CEP41: variants seen among roughly 807,000 people sequenced by gnomAD.
The protein encoded by CEP41 is centrosomal protein 41, also known as centrosomal protein of 41 kDa.
In CEP41, 32 loss-of-function variants were observed where a neutral mutation model predicts 44.3. That is an observed-to-expected ratio of 0.72 (90% CI 0.54 to 0.97). The LOEUF is 0.97. Ranked by LOEUF, CEP41 falls within the 50% of genes least tolerant of loss-of-function variation. The pLI is 0.00. For missense variants in CEP41, 432 were observed against 455.2 expected, an observed-to-expected ratio of 0.95 and a Z score of 0.46; for synonymous variants, 151 against 168.5, an observed-to-expected ratio of 0.90 and a Z score of 0.80.
chr7:130,415,519 G>A (rs1392780138), intron 3 of CEP41, among the ~76,000 whole-genome samples: 34 of 152,202 alleles, frequency 2.2e-4, no homozygotes, highest in Admixed American at 2.2e-3. Context: ...CATTTTTCAA[G>A]GTTCTGTTCC....
At chr7:130,403,776 G>GTTC (rs1554417553) in intron 6 of CEP41, among the ~76,000 whole-genome samples, 9 of 152,298 alleles carry the variant, frequency 5.9e-5, no homozygotes, top group African/African-American at 2.2e-4. Flanking sequence ...ATAAGAAACT[G>GTTC]CATCCTCAGT....
At chr7:130,399,478 A>T (rs1333634935) in intron 10 of CEP41, 1 of 237,848 alleles carries the variant, frequency 4.2e-6, no homozygotes, top group African/African-American at 2.3e-5. Flanking sequence ...TGAAGGTCTG[A>T]TGCTTAACTC....
chr7:130,400,661 G>A (rs1554416638), intron 9 of CEP41, 46 bp downstream of exon 9: 3 of 1,147,682 alleles, frequency 2.6e-6, no homozygotes, highest in South Asian at 2.6e-5. Context: ...TGGGACTGAA[G>A]GATGATCAGC....
intron 5 of CEP41, among the ~76,000 whole-genome samples, chr7:130,410,282 C>G (rs190338270): frequency 3.9e-5 from 6 of 152,072 alleles, no homozygotes; most frequent in Non-Finnish European, 7.4e-5. Flanking sequence ...CCGCCTTGGC[C>G]TCCCAAAGTG....
At chr7:130,405,589 C>T (rs782316822) in intron 5 of CEP41, among the ~76,000 whole-genome samples, 1 of 152,072 alleles carries the variant, frequency 6.6e-6, no homozygotes, top group South Asian at 2.1e-4. Flanking sequence ...ATTTTTTTGA[C>T]AGTTGTATAA....
rs998159537 is a variant in CEP41, at chr7:130,394,929, C to T, written c.*3962G>A. On this transcript the variant is annotated 3_prime_UTR_variant, in exon 11 of 11. Transcript: ENST00000223208. Reference sequence around the variant, plus strand: ...GGCCTCTCTTTGCCTCACATTTTACCAGGTGCTTCAGGATGTTACACAGGT... The same window carrying T: ...GGCCTCTCTTTGCCTCACATTTTACTAGGTGCTTCAGGATGTTACACAGGT... 2 of 453,944 alleles carry T rather than the reference C, an allele frequency of 4.4e-6. No homozygotes were observed. Among genetic ancestry groups the T allele is most frequent in the African/African-American group, 4.0e-5 (2 of 49,974 alleles). The allele number at this position is 453,944 out of a possible 1,614,324, so 28.1% of individuals were successfully genotyped here.
At chr7:130,421,141 C>T (rs1797496378) in intron 2 of CEP41, 1 of 985,292 alleles carries the variant, frequency 1.0e-6, no homozygotes, top group African/African-American at 1.7e-5. Context: ...CAGTGCTGTG[C>T]AAACACAGAG....
chr7:130,404,047 A>C (rs1172658390), intron 6 of CEP41, among the ~76,000 whole-genome samples: 1 of 152,210 alleles, frequency 6.6e-6, no homozygotes, highest in Admixed American at 6.5e-5. Context: ...AATCCTTGGA[A>C]TAAGGAGGCC....
chr7:130,422,076 G>A (rs1797525913), intron 2 of CEP41: 1 of 1,521,802 alleles, frequency 6.6e-7, no homozygotes, highest in African/African-American at 1.4e-5. Flanking sequence ...TGCACTCAGT[G>A]TTTGAGTTCA....
chr7:130,400,890 G>A, intron 8 of CEP41, 69 bp from the exon 9 acceptor site: 1 of 1,004,130 alleles, frequency 1.0e-6, no homozygotes, highest in Non-Finnish European at 1.6e-6. Context: ...AAACCCCCAA[G>A]GAATAAAAGG....
intron 1 of CEP41, chr7:130,440,726 G>A (rs1475161543): frequency 6.4e-6 from 4 of 627,836 alleles, no homozygotes; most frequent in Non-Finnish European, 1.1e-5. Flanking sequence ...CGTACGCGGG[G>A]AGAGATCGCT....
chr7:130,419,633 C>G (rs1797441467), intron 2 of CEP41: 5 of 984,702 alleles, frequency 5.1e-6, no homozygotes, highest in Non-Finnish European at 6.0e-6. Context: ...CCAGATAAGA[C>G]TTTTTGATCA....
intron 2 of CEP41, chr7:130,420,976 A>G (rs1797490686): frequency 1.0e-6 from 1 of 982,178 alleles, no homozygotes; most frequent in East Asian, 1.1e-4. Flanking sequence ...TGCTACATAT[A>G]TGACTCATAT....
intron 2 of CEP41, 78 bp from the exon 3 acceptor site, chr7:130,417,044 A>G: frequency 7.3e-7 from 1 of 1,366,558 alleles, no homozygotes; most frequent in Non-Finnish European, 1.0e-6. Flanking sequence ...GAATGGAGGA[A>G]AAGTATCCCC....
intron 2 of CEP41, among the ~76,000 whole-genome samples, chr7:130,424,203 C>T (rs1419820800): frequency 1.3e-5 from 2 of 152,046 alleles, no homozygotes; most frequent in African/African-American, 2.4e-5. Context: ...TCATGACCAG[C>T]CTGGCCAACA....
In CEP41 at chr7:130,400,740, G is replaced by A. The variant is rs1554416667; in HGVS notation, c.724C>T (p.Arg242Cys). Residue 242 changes from arginine (R) to cysteine (C), a missense_variant, in exon 9 of 11, where the codon CGT (arginine) becomes TGT (cysteine). Physicochemically the swap from Arg to Cys is radical, Grantham distance 180. Coordinates refer to ENST00000223208, the MANE Select transcript of CEP41 (RefSeq NM_018718.3). The stretch of plus-strand genomic sequence containing the variant: ...AGCATGAAGAGGTTTTCAAATCCAC[G>A]CTCGCACATGGTGGTGGCCGCCTGA... Reference protein sequence around the residue: ...ASQAATTMCERGFENLFMLSG... With the variant: ...ASQAATTMCECGFENLFMLSG... 10 of 1,613,252 alleles carry A rather than the reference G, an allele frequency of 6.2e-6. No homozygotes were observed. In the East Asian group the frequency reaches 1.6e-4, roughly 25 times the overall value.
Position 130,395,407 on chromosome 7 carries a change from A to G in CEP41, c.*3484T>C, listed in dbSNP as rs1179727586. ...GAGTTAAATCTTTGAAAGAATTGGG[A>G]AGAAAATAAACACACATTAAAGACA... On this transcript the variant is annotated 3_prime_UTR_variant, in exon 11 of 11. Transcript: ENST00000223208. 1 of 454,008 alleles carries G rather than the reference A, an allele frequency of 2.2e-6. No homozygotes were observed. Among genetic ancestry groups the G allele is most frequent in the African/African-American group, 2.0e-5 (1 of 50,006 alleles). 28.1% of individuals were successfully genotyped at this position (454,008 alleles called of 1,614,324 possible).
chr7:130,394,910 T>C lies in CEP41; in HGVS notation c.*3981A>G. 1 of 454,148 alleles carries C rather than the reference T, an allele frequency of 2.2e-6. No homozygotes were observed. The highest frequency in any genetic ancestry group is 4.4e-6 in the Non-Finnish European group (1 of 226,798). The allele number at this position is 454,148 out of a possible 1,614,324, so 28.1% of individuals were successfully genotyped here. ...TCCACAGCATTTGAGAAGTGGCCTC[T>C]CTTTGCCTCACATTTTACCAGGTGC... On this transcript the variant is annotated 3_prime_UTR_variant, in exon 11 of 11. Transcript: ENST00000223208.
intron 3 of CEP41, among the ~76,000 whole-genome samples, chr7:130,416,628 C>T (rs1395133767): frequency 6.6e-6 from 1 of 152,192 alleles, no homozygotes; most frequent in African/African-American, 2.4e-5. Context: ...AGTACAATGA[C>T]ACTAGAAGCT....
Sources: allele counts gnomAD v4.1 joint callset (sites outside exome capture counted in the v4.1 genomes callset), GRCh38; gene constraint gnomAD v4.1.1; transcripts MANE v1.5; gene names NCBI Gene and HGNC (gene_info 2026-07-23, HGNC 2026-07-21).